ZFAND3: variants seen among roughly 807,000 people sequenced by gnomAD.
ZFAND3 encodes zinc finger AN1-type containing 3, also known as AN1-type zinc finger protein 3.
In ZFAND3, 10 loss-of-function variants were observed where a neutral mutation model predicts 29.6. That is an observed-to-expected ratio of 0.34 (90% CI 0.21 to 0.57). The LOEUF (loss-of-function observed/expected upper bound fraction) is 0.57. ZFAND3 is among the 20% of genes least tolerant of loss of function. The probability of loss-of-function intolerance (pLI) is 0.86; values close to 1 mark genes in which losing one functional copy is unlikely to be tolerated. For synonymous variants in ZFAND3, 128 were observed against 112.6 expected, an observed-to-expected ratio of 1.14 and a Z score of -0.87; for missense variants, 230 against 304.5, an observed-to-expected ratio of 0.76 and a Z score of 1.82.
intron 4 of ZFAND3, among the ~76,000 whole-genome samples, chr6:38,093,096 G>A (rs1215390641): frequency 2.0e-5 from 3 of 152,174 alleles, no homozygotes; most frequent in Non-Finnish European, 4.4e-5. Context: ...TCTATAAAAT[G>A]CCTTGCCATT....
chr6:37,904,915 A>G (rs1313576403), intron 1 of ZFAND3, among the ~76,000 whole-genome samples: 1 of 152,190 alleles, frequency 6.6e-6, no homozygotes, highest in East Asian at 1.9e-4. Flanking sequence ...CATGTTGTGT[A>G]AGGCTTCTAG....
chr6:38,088,150 TGTG>T (rs770206944), intron 4 of ZFAND3, among the ~76,000 whole-genome samples: 54 of 152,152 alleles, frequency 3.5e-4, no homozygotes, highest in Non-Finnish European at 7.1e-4. Context: ...ATAAAGAAAA[TGTG>T]GTACTTATAC....
intron 2 of ZFAND3, among the ~76,000 whole-genome samples, chr6:37,991,666 G>A (rs777877905): frequency 8.5e-5 from 13 of 152,166 alleles, no homozygotes; most frequent in Non-Finnish European, 1.8e-4. Context: ...ACTTGCCCCT[G>A]TGTTTCTGCA....
intron 2 of ZFAND3, among the ~76,000 whole-genome samples, chr6:37,939,934 G>A (rs1384335836): frequency 6.6e-6 from 1 of 152,070 alleles, no homozygotes; most frequent in Non-Finnish European, 1.5e-5. Context: ...CAGCTACTCC[G>A]GAAACTGAGG....
intron 1 of ZFAND3, among the ~76,000 whole-genome samples, chr6:37,850,057 G>A (rs926971341): frequency 6.6e-6 from 1 of 152,182 alleles, no homozygotes; most frequent in African/African-American, 2.4e-5. Flanking sequence ...GACCATTAGT[G>A]AGAACATTCC....
chr6:38,095,256 A>G (rs946177681), intron 4 of ZFAND3, among the ~76,000 whole-genome samples: 1 of 152,226 alleles, frequency 6.6e-6, no homozygotes, highest in Non-Finnish European at 1.5e-5. Context: ...TCTGTGAGCC[A>G]TTGCATAAGA....
intron 1 of ZFAND3, among the ~76,000 whole-genome samples, chr6:37,841,124 T>A (rs1210563604): frequency 6.6e-6 from 1 of 152,170 alleles, no homozygotes; most frequent in African/African-American, 2.4e-5. Flanking sequence ...AGATCTTGAG[T>A]AAATATTTCA....
chr6:38,010,014 A>G (rs1763118898), intron 2 of ZFAND3, among the ~76,000 whole-genome samples: 1 of 152,200 alleles, frequency 6.6e-6, no homozygotes, highest in African/African-American at 2.4e-5. Flanking sequence ...GGTCGCAAAA[A>G]CATCACTAAA....
chr6:38,012,611 T>C (rs1269078530), intron 2 of ZFAND3, among the ~76,000 whole-genome samples: 1 of 152,144 alleles, frequency 6.6e-6, no homozygotes, highest in Non-Finnish European at 1.5e-5. Context: ...ACTCCTGACC[T>C]CGTGATCCAG....
intron 5 of ZFAND3, among the ~76,000 whole-genome samples, chr6:38,138,387 A>C (rs1360446930): frequency 1.3e-5 from 2 of 152,142 alleles, no homozygotes; most frequent in Non-Finnish European, 2.9e-5. Context: ...GTAAGAATGA[A>C]CAAATACAAA....
intron 2 of ZFAND3, among the ~76,000 whole-genome samples, chr6:38,043,627 C>G (rs1426359872): frequency 6.6e-6 from 1 of 150,530 alleles, no homozygotes; most frequent in African/African-American, 2.5e-5. Flanking sequence ...CCGCTCTTCC[C>G]CTTTCAACAT....
chr6:38,002,331 C>T (rs1156828893), intron 2 of ZFAND3, among the ~76,000 whole-genome samples: 1 of 149,260 alleles, frequency 6.7e-6, no homozygotes, highest in African/African-American at 2.5e-5. Context: ...CAAATGTTTC[C>T]CAGGTTTACT....
intron 1 of ZFAND3, among the ~76,000 whole-genome samples, chr6:37,883,566 G>A (rs1164774519): frequency 1.1e-4 from 15 of 131,222 alleles, no homozygotes; most frequent in African/African-American, 1.0e-4. Flanking sequence ...TTTTTGAGAC[G>A]GAGTCTCGCT....
chr6:38,106,252 A>C (rs1562001533), intron 4 of ZFAND3, among the ~76,000 whole-genome samples: 2 of 151,944 alleles, frequency 1.3e-5, no homozygotes, highest in Non-Finnish European at 2.9e-5. Context: ...TCCCAGGTTC[A>C]AGCGATTCTC....
intron 1 of ZFAND3, among the ~76,000 whole-genome samples, chr6:37,838,616 A>G (rs1042976905): frequency 6.6e-6 from 1 of 152,210 alleles, no homozygotes; most frequent in Non-Finnish European, 1.5e-5. Context: ...TTGACTTAGC[A>G]TAACGTTTTC....
chr6:37,969,606 C>T (rs995784462), intron 2 of ZFAND3, among the ~76,000 whole-genome samples: 27 of 152,004 alleles, frequency 1.8e-4, no homozygotes, highest in Admixed American at 1.8e-3. Context: ...GCTTTTGTAC[C>T]ATGGTAAAGT....
chr6:37,840,963 G>A (rs1764062564), intron 1 of ZFAND3, among the ~76,000 whole-genome samples: 1 of 152,084 alleles, frequency 6.6e-6, no homozygotes, highest in Non-Finnish European at 1.5e-5. Context: ...AAATTTTTTA[G>A]AATATGCTTT....
chr6:37,941,595 C>T (rs754972262), intron 2 of ZFAND3, among the ~76,000 whole-genome samples: 8 of 152,254 alleles, frequency 5.3e-5, no homozygotes, highest in African/African-American at 9.6e-5. Context: ...CTCTGTGCTG[C>T]GTAGTGAAGC....
chr6:38,085,268 G>A (rs1254810594), intron 4 of ZFAND3, among the ~76,000 whole-genome samples: 2 of 152,170 alleles, frequency 1.3e-5, no homozygotes, highest in Non-Finnish European at 2.9e-5. Flanking sequence ...GGCATAGATG[G>A]TCAGTAAATA....
Sources: gnomAD v4.1 joint callset for allele counts (sites outside exome capture counted in the v4.1 genomes callset) on GRCh38, gnomAD v4.1.1 for gene constraint, MANE v1.5 for transcripts, NCBI Gene and HGNC (gene_info 2026-07-23, HGNC 2026-07-21) for gene names.